RIMS2: variants seen among roughly 807,000 people sequenced by gnomAD.
The protein encoded by RIMS2 is regulating synaptic membrane exocytosis 2.
A neutral mutation model predicts 174.4 loss-of-function variants in RIMS2; 59 were observed. The ratio of observed to expected loss-of-function variants is 0.34; its 90% confidence interval spans 0.27 to 0.42. The LOEUF (loss-of-function observed/expected upper bound fraction) is 0.42, where lower values mean the gene tolerates loss of function less well. RIMS2 is among the 10% of genes least tolerant of loss of function. RIMS2 has a pLI of 1.00. For missense variants in RIMS2, 1,620 were observed against 1,666.3 expected (o/e 0.97, Z 0.48); for synonymous variants, 606 against 572.5 (o/e 1.06, Z -0.84).
intron 19 of RIMS2, among the ~76,000 whole-genome samples, chr8:104,099,998 T>G (rs191519845): frequency 1.3e-5 from 2 of 151,970 alleles, no homozygotes; most frequent in East Asian, 3.9e-4. Context: ...TTTAAAAATT[T>G]TTTGTAGCGA....
intron 19 of RIMS2, among the ~76,000 whole-genome samples, chr8:104,079,554 C>G (rs1300656850): frequency 7.3e-6 from 1 of 136,776 alleles, no homozygotes; most frequent in Non-Finnish European, 1.5e-5. Flanking sequence ...AGAACAGATA[C>G]ATTCTTTCCA....
chr8:103,819,608 G>A (rs2098739109), intron 3 of RIMS2: 1 of 1,612,918 alleles, frequency 6.2e-7, no homozygotes, highest in Admixed American at 1.7e-5. Context: ...GAGCTTTTTG[G>A]ACAAACACTG....
intron 1 of RIMS2, among the ~76,000 whole-genome samples, chr8:103,597,839 T>C (rs1461804778): frequency 6.6e-6 from 1 of 152,082 alleles, no homozygotes; most frequent in Non-Finnish European, 1.5e-5. Flanking sequence ...CCGTGGGTCA[T>C]GAAATCAATT....
chr8:103,981,322 C>T lies in RIMS2; in HGVS notation c.2927+5816C>T, dbSNP rs541029567. 1.1e-4 allele frequency among the ~76,000 whole-genome samples: 17 copies of T among 152,266 alleles called. 1 individual carries two copies. The highest frequency in any genetic ancestry group is 1.1e-3 in the Admixed American group (17 of 15,286). ...TCCAGAGAATTATTCTGGATCTTAT[C>T]AAAGACCACCAAGGTGGTACCTCTA... is the stretch of plus-strand genomic sequence containing the variant. On this transcript the variant is annotated intron_variant, in intron 16 of 23. Transcript: ENST00000504942.
intron 1 of RIMS2, among the ~76,000 whole-genome samples, chr8:103,615,887 G>C (rs1473033366): frequency 6.6e-6 from 1 of 151,950 alleles, no homozygotes; most frequent in Non-Finnish European, 1.5e-5. Flanking sequence ...TAAGTAGCCT[G>C]AAAACCAAAA....
chr8:103,620,084 A>G (rs979754753), intron 1 of RIMS2, among the ~76,000 whole-genome samples: 2 of 150,954 alleles, frequency 1.3e-5, no homozygotes, highest in African/African-American at 4.8e-5. Context: ...GAGCCACTAT[A>G]CTTATGAATA....
chr8:103,815,815 C>T (rs2098714883), intron 3 of RIMS2, among the ~76,000 whole-genome samples: 1 of 152,096 alleles, frequency 6.6e-6, no homozygotes, highest in Non-Finnish European at 1.5e-5. Flanking sequence ...GAGTTTACTT[C>T]CAAACACTGT....
At chr8:104,052,626 G>GGAGAAGATATAT (rs1216277128) in intron 19 of RIMS2, among the ~76,000 whole-genome samples, 5 of 152,162 alleles carry the variant, frequency 3.3e-5, no homozygotes, top group African/African-American at 1.2e-4. Context: ...AGGTATTGTA[G>GGAGAAGATATAT]ATATTCATTG....
At chr8:104,184,452 T>G (rs1172469698) in intron 19 of RIMS2, among the ~76,000 whole-genome samples, 2 of 151,558 alleles carry the variant, frequency 1.3e-5, no homozygotes, top group African/African-American at 4.8e-5. Context: ...GAGAAAACAC[T>G]ATTTATTATA....
intron 19 of RIMS2, among the ~76,000 whole-genome samples, chr8:104,149,266 C>T (rs1443365213): frequency 1.3e-5 from 2 of 152,172 alleles, no homozygotes. Context: ...GTGAATAATA[C>T]AGTTCTTGTT....
chr8:103,684,308 A>G lies in RIMS2; in HGVS notation c.177-12778A>G, dbSNP rs146264435. Among the ~76,000 whole-genome samples, 237 of 152,340 alleles carry G rather than the reference A, an allele frequency of 1.6e-3. 1 individual carries two copies. The highest frequency in any genetic ancestry group is 5.4e-3 in the African/African-American group (224 of 41,592). On this transcript the variant is annotated intron_variant, in intron 1 of 23. Transcript: ENST00000504942. ...TATATCATAGAGAAGTAGGCAGTCTATGGTACACAAGCCAGTTCTATCCCA... is the reference window on the plus strand; with the variant it reads ...TATATCATAGAGAAGTAGGCAGTCTGTGGTACACAAGCCAGTTCTATCCCA...
At chr8:103,683,546 G>A (rs768783072) in intron 1 of RIMS2, among the ~76,000 whole-genome samples, 1 of 152,150 alleles carries the variant, frequency 6.6e-6, no homozygotes, top group African/African-American at 2.4e-5. Context: ...ATAGCACTTC[G>A]TAAATTGTCC....
At chr8:103,612,957 GCAA>G (rs1336851108) in intron 1 of RIMS2, among the ~76,000 whole-genome samples, 3 of 152,200 alleles carry the variant, frequency 2.0e-5, no homozygotes, top group African/African-American at 7.2e-5. Context: ...GTGTGTTGAT[GCAA>G]GCACTCTTGT....
chr8:104,180,829 G>A (rs2098935471), intron 19 of RIMS2, among the ~76,000 whole-genome samples: 1 of 151,608 alleles, frequency 6.6e-6, no homozygotes, highest in African/African-American at 2.4e-5. Flanking sequence ...ACTAGGACAA[G>A]GGCAAAAAAG....
At chr8:103,812,187 T>G (rs1326481958) in intron 3 of RIMS2, among the ~76,000 whole-genome samples, 1 of 152,202 alleles carries the variant, frequency 6.6e-6, no homozygotes, top group Non-Finnish European at 1.5e-5. Context: ...ATCTCAAATT[T>G]TGTGAGTAGA....
chr8:103,555,317 A>G (rs904539909), intron 1 of RIMS2, among the ~76,000 whole-genome samples: 1 of 152,222 alleles, frequency 6.6e-6, no homozygotes, highest in Admixed American at 6.5e-5. Context: ...CCACAAAGAT[A>G]TATTACCTCA....
intron 19 of RIMS2, among the ~76,000 whole-genome samples, chr8:104,015,949 A>G (rs2095890434): frequency 6.6e-6 from 1 of 152,036 alleles, no homozygotes; most frequent in African/African-American, 2.4e-5. Context: ...TTCCAACATC[A>G]TTTTTCATGT....
intron 19 of RIMS2, among the ~76,000 whole-genome samples, chr8:104,118,596 T>A (rs2098323046): frequency 6.6e-6 from 1 of 152,054 alleles, no homozygotes; most frequent in Non-Finnish European, 1.5e-5. Flanking sequence ...CTTCAACTCC[T>A]GGCCTCAGGT....
At chr8:103,555,408 G>C (rs1849950191) in intron 1 of RIMS2, among the ~76,000 whole-genome samples, 1 of 152,100 alleles carries the variant, frequency 6.6e-6, no homozygotes, top group Non-Finnish European at 1.5e-5. Flanking sequence ...CCTTACACAT[G>C]GTTGGTAGGA....
Sources: allele counts gnomAD v4.1 joint callset (sites outside exome capture counted in the v4.1 genomes callset), GRCh38; gene constraint gnomAD v4.1.1; transcripts MANE v1.5; gene names NCBI Gene and HGNC (gene_info 2026-07-23, HGNC 2026-07-21).